Variants in BTAF1 observed in about 807,000 individuals in gnomAD.
BTAF1 encodes the protein TATA-binding protein-associated factor 172.
In BTAF1, 38 loss-of-function variants were observed where a neutral mutation model predicts 227.1. That is an observed-to-expected ratio of 0.17 (90% CI 0.13 to 0.22). The LOEUF is 0.22. BTAF1 is among the 10% of genes least tolerant of loss of function. The pLI, the probability that BTAF1 is intolerant of heterozygous loss-of-function variation, is 1.00. For missense variants in BTAF1, 1,598 were observed against 2,204.0 expected, an observed-to-expected ratio of 0.73 and a Z score of 5.51; for synonymous variants, 742 against 751.9, an observed-to-expected ratio of 0.99 and a Z score of 0.21.
intron 4 of BTAF1, among the ~76,000 whole-genome samples, chr10:91,947,779 A>G (rs1845480434): frequency 1.4e-5 from 2 of 147,516 alleles, no homozygotes; most frequent in Non-Finnish European, 3.0e-5. Context: ...TTTTGATAGC[A>G]ATTTTGTTGA....
intron 21 of BTAF1, among the ~76,000 whole-genome samples, chr10:91,992,820 C>T (rs1364915239): frequency 1.3e-5 from 2 of 152,158 alleles, no homozygotes; most frequent in African/African-American, 4.8e-5. Flanking sequence ...TCAGGCTTTC[C>T]ATTATCTCCC....
At chr10:91,968,992 C>T (rs1037414797) in intron 14 of BTAF1, among the ~76,000 whole-genome samples, 13 of 150,638 alleles carry the variant, frequency 8.6e-5, no homozygotes, top group African/African-American at 3.2e-4. Flanking sequence ...TCCTGAGTAG[C>T]TGAGACTACA....
chr10:91,952,088 A>G (rs1415301308), intron 5 of BTAF1, among the ~76,000 whole-genome samples: 1 of 151,302 alleles, frequency 6.6e-6, no homozygotes, highest in East Asian at 1.9e-4. Context: ...CTTGTGCATC[A>G]TTTCTGAAAC....
At chr10:91,993,954 C>A in intron 22 of BTAF1, 107 bp downstream of exon 22, 2 of 812,100 alleles carry the variant, frequency 2.5e-6, no homozygotes, top group African/African-American at 1.8e-5. Context: ...CTGTTTATTC[C>A]AGACCAGCTG....
At chr10:91,986,631 C>T (rs541464547) in intron 19 of BTAF1, among the ~76,000 whole-genome samples, 6 of 152,052 alleles carry the variant, frequency 3.9e-5, no homozygotes, top group African/African-American at 9.6e-5. Context: ...TTTTTGCCTC[C>T]TCTCCCTACT....
chr10:91,984,242 TGATATCCTTTCA>T lies in BTAF1; in HGVS notation c.2268_2279del (p.Asp756_Ser759del). The T allele has an allele frequency of 6.2e-7, 1 of 1,613,990 alleles. No homozygotes were observed. The highest frequency in any genetic ancestry group is 1.3e-5 in the African/African-American group (1 of 75,060). On this transcript the variant is annotated inframe_deletion, in exon 19 of 38. Transcript: ENST00000265990. ...CCTTAGCTGTGCAGCCGCGTTTACT[TGATATCCTTTCA>T]GAACATTTATATTATGACGAAATTG...
In BTAF1 at chr10:91,962,661, T is replaced by C. The variant is rs1486824447; in HGVS notation, c.1387T>C (p.Tyr463His). ...SLVPVVESLVYLQTQKVPFII... is the reference protein window; with the variant it reads ...SLVPVVESLVHLQTQKVPFII... Reference sequence around the variant, plus strand: ...AGTGCCTGTAGTAGAAAGCCTTGTCTATCTTCAGACACAAAAGGTAAATTA... The same window carrying C: ...AGTGCCTGTAGTAGAAAGCCTTGTCCATCTTCAGACACAAAAGGTAAATTA... The change falls in exon 12 of 38, where the codon TAT becomes CAT. Residue 463 changes from tyrosine to histidine, a missense_variant. Tyr to His is a moderately conservative substitution (Grantham distance 83). Transcript: ENST00000265990. 6.3e-7 allele frequency: 1 copy of C among 1,597,778 alleles called. No homozygotes were observed. Among genetic ancestry groups the C allele is most frequent in the South Asian group, 1.2e-5 (1 of 86,956 alleles).
At chr10:91,969,649 A>G (rs1474541162) in intron 14 of BTAF1, among the ~76,000 whole-genome samples, 1 of 152,156 alleles carries the variant, frequency 6.6e-6, no homozygotes, top group Non-Finnish European at 1.5e-5. Flanking sequence ...TTTGCTATAA[A>G]TAAGATCCCA....
intron 6 of BTAF1, 53 bp downstream of exon 6, chr10:91,953,926 A>T: frequency 1.3e-6 from 2 of 1,595,040 alleles, no homozygotes; most frequent in South Asian, 2.3e-5. Context: ...CTGTGGCTTT[A>T]ATCTGTGTCT....
intron 14 of BTAF1, among the ~76,000 whole-genome samples, chr10:91,976,886 C>A (rs1426391825): frequency 2.6e-5 from 4 of 152,048 alleles, no homozygotes; most frequent in Non-Finnish European, 4.4e-5. Context: ...CAGGAGAAGA[C>A]AAATAATTAA....
In BTAF1 at chr10:91,978,249, A is replaced by G. The variant is rs1385299252; in HGVS notation, c.1651-2205A>G. The stretch of plus-strand genomic sequence containing the variant: ...ATGTTTGTAGCCTGAGAAGACAACT[A>G]CAGTTTATATTACATGTATTGGTCA... On this transcript the variant is annotated intron_variant, in intron 14 of 37. Coordinates refer to ENST00000265990, the MANE Select transcript of BTAF1 (RefSeq NM_003972.3). 3.3e-5 allele frequency among the ~76,000 whole-genome samples: 5 copies of G among 152,132 alleles called. 1 individual carries two copies. Among genetic ancestry groups the G allele is most frequent in the Non-Finnish European group, 7.4e-5 (5 of 68,014 alleles).
In BTAF1 at chr10:91,944,970, A is replaced by G. The variant is rs571484447; in HGVS notation, c.400+2402A>G. Among the ~76,000 whole-genome samples, 7 of 152,338 alleles carry G rather than the reference A, an allele frequency of 4.6e-5. No individual in the cohort carries two copies. In the South Asian group the frequency reaches 1.0e-3, roughly 23 times the overall value. On this transcript the variant is annotated intron_variant, in intron 4 of 37. Transcript: ENST00000265990. ...TGCCTACAGTATTTAGTAACATGCT[A>G]TACAGGTTTGTAGCCTAGGAGCAAC... is the stretch of plus-strand genomic sequence containing the variant.
intron 34 of BTAF1, among the ~76,000 whole-genome samples, chr10:92,022,941 GAAGA>G (rs1397110952): frequency 6.6e-6 from 1 of 152,162 alleles, no homozygotes; most frequent in Admixed American, 6.5e-5. Context: ...CTGTTAGGTA[GAAGA>G]ATGAGAACAT....
At chr10:91,930,862 G>A (rs1008120033) in intron 1 of BTAF1, among the ~76,000 whole-genome samples, 2 of 152,138 alleles carry the variant, frequency 1.3e-5, no homozygotes, top group Non-Finnish European at 2.9e-5. Flanking sequence ...GACTGGTCAT[G>A]CTTTTTTAGT....
At chr10:91,969,770 C>T (rs766254693) in intron 14 of BTAF1, among the ~76,000 whole-genome samples, 8 of 152,044 alleles carry the variant, frequency 5.3e-5, no homozygotes, top group East Asian at 3.9e-4. Flanking sequence ...TCCAGACCAA[C>T]GTGGGCAACA....
intron 4 of BTAF1, 22 bp from the exon 5 acceptor site, chr10:91,951,381 C>A (rs373792742): frequency 3.1e-6 from 5 of 1,597,568 alleles, no homozygotes; most frequent in Non-Finnish European, 3.4e-6. Context: ...TTGGAGAAAA[C>A]GTATTTCTTT....
intron 24 of BTAF1, 90 bp from the exon 25 acceptor site, chr10:91,997,513 C>T (rs1849223690): frequency 1.8e-6 from 2 of 1,136,210 alleles, no homozygotes; most frequent in African/African-American, 3.1e-5. Flanking sequence ...AAATGGTGAG[C>T]CTTTTAAAAA....
At chr10:92,012,626 C>T (rs1202297005) in intron 30 of BTAF1, among the ~76,000 whole-genome samples, 1 of 151,184 alleles carries the variant, frequency 6.6e-6, no homozygotes, top group East Asian at 2.0e-4. Flanking sequence ...CAAAAATTAG[C>T]CAGGCATGGT....
chr10:91,943,735 G>A (rs1845174804), intron 4 of BTAF1, among the ~76,000 whole-genome samples: 1 of 152,150 alleles, frequency 6.6e-6, no homozygotes, highest in Non-Finnish European at 1.5e-5. Context: ...TCACTAAATA[G>A]TAAGTTTACT....
Sources: allele counts gnomAD v4.1 joint callset (sites outside exome capture counted in the v4.1 genomes callset), GRCh38; gene constraint gnomAD v4.1.1; transcripts MANE v1.5; gene names NCBI Gene and HGNC (gene_info 2026-07-23, HGNC 2026-07-21).